DMD: variants seen among roughly 807,000 people sequenced by gnomAD.
DMD encodes mutant dystrophin.
Under a neutral mutation model 330.1 loss-of-function variants are expected in DMD, and 63 were observed. The observed-to-expected ratio is 0.19, with a 90% CI of 0.16 to 0.24. DMD has a LOEUF of 0.24. Among genes scored for constraint, DMD ranks in the 10% least tolerant of loss-of-function variants. The pLI, the probability that DMD is intolerant of heterozygous loss-of-function variation, is 1.00. For synonymous variants in DMD, 1,223 were observed against 959.8 expected (o/e 1.27, Z -5.07); for missense variants, 3,344 against 2,684.1 (o/e 1.25, Z -5.43).
chrX:33,292,202 G>A (rs1306810090), intron 1 of DMD, among the ~76,000 whole-genome samples: 2 of 110,844 alleles, frequency 1.8e-5, no homozygotes, highest in Non-Finnish European at 3.8e-5. Flanking sequence ...TTTTTATACA[G>A]CTCAAAGTCA....
chrX:32,773,225 G>A (rs758213407), intron 7 of DMD, among the ~76,000 whole-genome samples: 5 of 111,504 alleles, frequency 4.5e-5, no homozygotes, highest in Middle Eastern at 4.6e-3. Context: ...TATAGCTAGC[G>A]AGAGAAATGT....
At chrX:33,004,740 G>A (rs1487629160) in intron 2 of DMD, among the ~76,000 whole-genome samples, 1 of 110,664 alleles carries the variant, frequency 9.0e-6, no homozygotes, top group Non-Finnish European at 1.9e-5. Flanking sequence ...ACTTTATAAT[G>A]TTAAGCCATG....
chrX:32,063,377 G>A (rs1275633933), intron 44 of DMD, among the ~76,000 whole-genome samples: 1 of 111,208 alleles, frequency 9.0e-6, no homozygotes, highest in Non-Finnish European at 1.9e-5. Flanking sequence ...CAGAAGTTCT[G>A]CTGGAAGCTA....
At chrX:31,216,080 T>C (rs1459527524) in intron 64 of DMD, among the ~76,000 whole-genome samples, 1 of 112,589 alleles carries the variant, frequency 8.9e-6, no homozygotes, top group Non-Finnish European at 1.9e-5. Flanking sequence ...AAGAAACTTC[T>C]ATTAGGAGAA....
chrX:32,447,935 C>A (rs373980841), intron 27 of DMD, among the ~76,000 whole-genome samples: 1 of 110,849 alleles, frequency 9.0e-6, no homozygotes, highest in East Asian at 2.8e-4. Context: ...ATAATGCAAA[C>A]CATCAAAAAA....
intron 48 of DMD, among the ~76,000 whole-genome samples, chrX:31,859,201 C>T (rs1380670483): frequency 9.0e-6 from 1 of 111,240 alleles, no homozygotes; most frequent in Non-Finnish European, 1.9e-5. Flanking sequence ...ATAATGCTTC[C>T]TCATCTGTCA....
intron 9 of DMD, among the ~76,000 whole-genome samples, chrX:32,685,413 A>T (rs5927096): frequency 0.012 from 1,371 of 111,931 alleles, 3 homozygotes; most frequent in Non-Finnish European, 0.019. Context: ...CACACAATAT[A>T]GAAATTTCTA....
intron 74 of DMD, among the ~76,000 whole-genome samples, chrX:31,158,323 G>A (rs751998745): frequency 2.7e-5 from 3 of 111,995 alleles, no homozygotes; most frequent in East Asian, 2.8e-4. Flanking sequence ...AAAAGATTAC[G>A]CTATGTGAAA....
rs780431879 is a variant in DMD at position 32,879,007 on chromosome X, C to CA, written c.94-29188dup. 7.3e-3 allele frequency among the ~76,000 whole-genome samples: 476 copies of CA among 65,630 alleles called. 11 individuals are homozygous for CA. The highest frequency in any genetic ancestry group is 9.3e-3 in the Middle Eastern group (1 of 107). The allele number at this position is 65,630 out of a possible 115,157, so 57.0% of individuals were successfully genotyped here. Reference sequence around the variant, plus strand: ...TAGGCGACAGACCAAGACTACGTCTCAAAAAAAAAACAAAAAACAAAAAAC... The same window carrying CA: ...TAGGCGACAGACCAAGACTACGTCTCAAAAAAAAAAACAAAAAACAAAAAAC... On this transcript the variant is annotated intron_variant, in intron 2 of 78. Transcript: ENST00000357033.
intron 9 of DMD, among the ~76,000 whole-genome samples, chrX:32,645,519 T>A (rs1043287395): frequency 2.7e-5 from 3 of 112,056 alleles, no homozygotes; most frequent in African/African-American, 9.7e-5. Context: ...CAGAATTATA[T>A]TTACATACCT....
intron 2 of DMD, among the ~76,000 whole-genome samples, chrX:32,933,519 T>A (rs777197435): frequency 3.6e-5 from 4 of 112,229 alleles, no homozygotes; most frequent in South Asian, 7.4e-4. Flanking sequence ...ATATGCACAA[T>A]TTAGCTCTGT....
At chrX:32,673,998 A>G (rs1167577836) in intron 9 of DMD, among the ~76,000 whole-genome samples, 1 of 111,899 alleles carries the variant, frequency 8.9e-6, no homozygotes, top group African/African-American at 3.2e-5. Context: ...GGCAAGCACC[A>G]GGACTTTTAA....
chrX:33,104,804 T>C (rs1308058011), intron 1 of DMD, among the ~76,000 whole-genome samples: 1 of 112,415 alleles, frequency 8.9e-6, no homozygotes, highest in African/African-American at 3.2e-5. Context: ...AATTATTAGT[T>C]CACAAACTGA....
chrX:32,759,806 A>C (rs1291044709), intron 7 of DMD, among the ~76,000 whole-genome samples: 2 of 84,613 alleles, frequency 2.4e-5, no homozygotes, highest in Non-Finnish European at 4.2e-5. Context: ...CATACTGACT[A>C]CTGGATCTTA....
intron 51 of DMD, among the ~76,000 whole-genome samples, chrX:31,738,381 C>G (rs191627154): frequency 1.1e-3 from 122 of 111,727 alleles, no homozygotes; most frequent in African/African-American, 3.9e-3. Context: ...GACATATTAC[C>G]TCACTCCCGT....
chrX:32,001,966 C>A (rs1354924714), intron 44 of DMD, among the ~76,000 whole-genome samples: 2 of 111,536 alleles, frequency 1.8e-5, no homozygotes, highest in Non-Finnish European at 3.8e-5. Context: ...TTGGTATGTG[C>A]AAAGAAATGT....
At chrX:31,297,345 T>C (rs962907034) in intron 62 of DMD, among the ~76,000 whole-genome samples, 2 of 111,024 alleles carry the variant, frequency 1.8e-5, no homozygotes, top group Non-Finnish European at 3.8e-5. Flanking sequence ...ATAGAGCAAG[T>C]GACTAGTAGT....
intron 44 of DMD, among the ~76,000 whole-genome samples, chrX:32,141,207 C>G (rs780825406): frequency 9.2e-5 from 10 of 108,128 alleles, no homozygotes; most frequent in Non-Finnish European, 1.7e-4. Context: ...GGGTGGATGA[C>G]TTGAGGCTAG....
chrX:32,750,606 G>A (rs896522829), intron 7 of DMD, among the ~76,000 whole-genome samples: 3 of 110,356 alleles, frequency 2.7e-5, no homozygotes, highest in East Asian at 2.9e-4. Flanking sequence ...ATAGGGGTGG[G>A]TACCCAGTGA....
Sources: allele counts gnomAD v4.1 joint callset (sites outside exome capture counted in the v4.1 genomes callset), GRCh38; gene constraint gnomAD v4.1.1; transcripts MANE v1.5; gene names NCBI Gene and HGNC (gene_info 2026-07-23, HGNC 2026-07-21).